CRPPA: variants seen among roughly 807,000 people sequenced by gnomAD.
CRPPA encodes the protein CDP-L-ribitol pyrophosphorylase A.
CRPPA carries 43 observed loss-of-function variants against 52.0 expected under a neutral mutation model. That is an observed-to-expected ratio of 0.83 (90% CI 0.65 to 1.07). The LOEUF (loss-of-function observed/expected upper bound fraction) is 1.07. Among genes scored for constraint, CRPPA ranks in the 50% least tolerant of loss-of-function variants. The pLI, the probability that CRPPA is intolerant of heterozygous loss-of-function variation, is 0.00. For missense variants in CRPPA, 629 were observed against 551.7 expected, an observed-to-expected ratio of 1.14 and a Z score of -1.40; for synonymous variants, 250 against 203.5, an observed-to-expected ratio of 1.23 and a Z score of -1.94.
intron 2 of CRPPA, among the ~76,000 whole-genome samples, chr7:16,399,289 A>T (rs1233031015): frequency 6.6e-6 from 1 of 152,054 alleles, no homozygotes; most frequent in Non-Finnish European, 1.5e-5. Flanking sequence ...CATACGATTG[A>T]CGTGTGATCA....
Position 16,090,630 on chromosome 7 carries a change from G to A in CRPPA, c.*1065C>T, listed in dbSNP as rs1451387937. On this transcript the variant is annotated 3_prime_UTR_variant, in exon 10 of 10. Coordinates refer to ENST00000407010, the MANE Select transcript of CRPPA (RefSeq NM_001101426.4). Reference sequence around the variant, plus strand: ...CCCAGCTACTCGGGAGGCTGAGGGAGGATAATTGCTTAAACCCAGGAGGCA... The same window carrying A: ...CCCAGCTACTCGGGAGGCTGAGGGAAGATAATTGCTTAAACCCAGGAGGCA... 6.6e-6 allele frequency: 1 copy of A among 152,040 alleles called. No individual in the cohort carries two copies. The highest frequency in any genetic ancestry group is 1.9e-4 in the East Asian group (1 of 5,202). 9.4% of individuals were successfully genotyped at this position (152,040 alleles called of 1,614,324 possible). A position where few individuals can be genotyped will look rare whatever the true frequency, so the allele number is the denominator to read the frequency against.
At chr7:16,287,388 C>T (rs1784473055) in intron 5 of CRPPA, among the ~76,000 whole-genome samples, 1 of 152,152 alleles carries the variant, frequency 6.6e-6, no homozygotes, top group Non-Finnish European at 1.5e-5. Context: ...TCAGTATCAT[C>T]CCAAGCTTTG....
At chr7:16,397,296 C>G (rs73306499) in intron 2 of CRPPA, among the ~76,000 whole-genome samples, 8,057 of 152,234 alleles carry the variant, frequency 0.053, 300 homozygotes, top group East Asian at 0.12. Context: ...TGTGACAAGT[C>G]ACTGACATGT....
At chr7:16,183,289 C>G (rs956323201) in intron 9 of CRPPA, among the ~76,000 whole-genome samples, 1 of 152,194 alleles carries the variant, frequency 6.6e-6, no homozygotes, top group African/African-American at 2.4e-5. Context: ...GTTTCCAGGT[C>G]TGGGAAAAGA....
intron 8 of CRPPA, among the ~76,000 whole-genome samples, chr7:16,255,175 T>A (rs1425930769): frequency 1.3e-5 from 2 of 152,118 alleles, no homozygotes; most frequent in Non-Finnish European, 2.9e-5. Context: ...AAATCATGAG[T>A]GAACTCCCAT....
chr7:16,232,154 A>C (rs1782816331), intron 8 of CRPPA, among the ~76,000 whole-genome samples: 1 of 152,210 alleles, frequency 6.6e-6, no homozygotes, highest in African/African-American at 2.4e-5. Context: ...TAGAAGGAAC[A>C]GTACTCAATG....
In CRPPA at chr7:16,259,013, C is replaced by T; in HGVS notation, c.934-1G>A. The T allele has an allele frequency of 3.1e-6, 5 of 1,600,884 alleles. No homozygotes were observed. Among genetic ancestry groups the T allele is most frequent in the Non-Finnish European group, 4.3e-6 (5 of 1,172,760 alleles). On this transcript the variant is annotated splice_acceptor_variant, in intron 6 of 9. Coordinates refer to ENST00000407010, the MANE Select transcript of CRPPA (RefSeq NM_001101426.4). LOFTEE classifies it high-confidence loss of function. ...GAGCCTCAGATGTGACTTTTACATGCTAGTAGGAAAAAACAGAAATGAATT... is the reference window on the plus strand; with the variant it reads ...GAGCCTCAGATGTGACTTTTACATGTTAGTAGGAAAAAACAGAAATGAATT...
chr7:16,093,405 C>A (rs1289183913), intron 9 of CRPPA, among the ~76,000 whole-genome samples: 3 of 152,130 alleles, frequency 2.0e-5, no homozygotes, highest in Non-Finnish European at 2.9e-5. Context: ...TGAAGCCTCA[C>A]CACAACCATT....
intron 8 of CRPPA, among the ~76,000 whole-genome samples, chr7:16,241,470 A>G (rs997557601): frequency 6.6e-6 from 1 of 152,154 alleles, no homozygotes; most frequent in Non-Finnish European, 1.5e-5. Flanking sequence ...TATCTAGATA[A>G]TTACAGTAAA....
At chr7:16,284,045 C>T (rs113199146) in intron 5 of CRPPA, among the ~76,000 whole-genome samples, 10 of 152,050 alleles carry the variant, frequency 6.6e-5, no homozygotes, top group African/African-American at 7.2e-5. Flanking sequence ...GACCAAAGAA[C>T]GATTTCTATG....
At chr7:16,143,354 A>G (rs773196190) in intron 9 of CRPPA, among the ~76,000 whole-genome samples, 1 of 152,208 alleles carries the variant, frequency 6.6e-6, no homozygotes, top group Non-Finnish European at 1.5e-5. Context: ...TTGGCACAAC[A>G]ATGTCAATAT....
intron 3 of CRPPA, among the ~76,000 whole-genome samples, chr7:16,349,250 A>T (rs576794598): frequency 4.1e-4 from 62 of 152,264 alleles, no homozygotes; most frequent in African/African-American, 1.4e-3. Flanking sequence ...TCCACAAAAA[A>T]CAGACAGCAG....
At chr7:16,416,172 C>G (rs1176508783) in intron 1 of CRPPA, among the ~76,000 whole-genome samples, 1 of 152,012 alleles carries the variant, frequency 6.6e-6, no homozygotes, top group East Asian at 1.9e-4. Flanking sequence ...CTACAGTAAC[C>G]CAAACAGCAC....
chr7:16,350,172 G>A (rs978938558), intron 3 of CRPPA, among the ~76,000 whole-genome samples: 1 of 151,874 alleles, frequency 6.6e-6, no homozygotes, highest in Non-Finnish European at 1.5e-5. Context: ...CAAAAATGAA[G>A]AGGTAATAAA....
At chr7:16,147,970 G>A (rs183428127) in intron 9 of CRPPA, among the ~76,000 whole-genome samples, 1 of 152,174 alleles carries the variant, frequency 6.6e-6, no homozygotes, top group East Asian at 1.9e-4. Context: ...CAAATTTGAT[G>A]TTGAAATATA....
intron 3 of CRPPA, among the ~76,000 whole-genome samples, chr7:16,320,577 G>A (rs753220648): frequency 6.6e-6 from 1 of 152,036 alleles, no homozygotes; most frequent in Non-Finnish European, 1.5e-5. Context: ...TGGGAAGTTT[G>A]CCCAACCAAG....
intron 5 of CRPPA, among the ~76,000 whole-genome samples, chr7:16,286,097 A>AATATATATATATATAT (rs71007759): frequency 8.2e-4 from 32 of 39,118 alleles, no homozygotes; most frequent in African/African-American, 2.9e-3. Context: ...TAAAAAAAAA[A>AATATATATATATATAT]ATATATATAT....
chr7:16,152,942 A>G (rs1478640900), intron 9 of CRPPA, among the ~76,000 whole-genome samples: 1 of 152,034 alleles, frequency 6.6e-6, no homozygotes, highest in Admixed American at 6.5e-5. Context: ...TTTCAGAAAG[A>G]AAGCCAATGT....
chr7:16,102,500 A>G (rs763079153), intron 9 of CRPPA, among the ~76,000 whole-genome samples: 1 of 152,222 alleles, frequency 6.6e-6, no homozygotes, highest in Non-Finnish European at 1.5e-5. Flanking sequence ...AACAGAAATG[A>G]TCATCAAAAT....
Sources: gnomAD v4.1 joint callset for allele counts (sites outside exome capture counted in the v4.1 genomes callset) on GRCh38, gnomAD v4.1.1 for gene constraint, MANE v1.5 for transcripts, NCBI Gene and HGNC (gene_info 2026-07-23, HGNC 2026-07-21) for gene names.